SRD5A2: variants seen among roughly 807,000 people sequenced by gnomAD.
The protein encoded by SRD5A2 is steroid 5 alpha-reductase 2, also known as 3-oxo-5-alpha-steroid 4-dehydrogenase 2.
A neutral mutation model predicts 27.4 loss-of-function variants in SRD5A2; 30 were observed. The observed-to-expected ratio is 1.10, with a 90% CI of 0.82 to 1.49. The LOEUF is 1.49. Ranked by LOEUF, SRD5A2 falls within the 40% of genes most tolerant of loss-of-function variation. The probability of loss-of-function intolerance (pLI) is 0.00; values close to 1 mark genes in which losing one functional copy is unlikely to be tolerated. For synonymous variants in SRD5A2, 141 were observed against 133.6 expected (o/e 1.06, Z -0.38); for missense variants, 348 against 323.4 (o/e 1.08, Z -0.58).
chr2:31,617,477 T>C, the SRD5A2 span, among the ~76,000 whole-genome samples: 13 of 152,228 alleles, frequency 8.5e-5, no homozygotes, highest in Non-Finnish European at 1.8e-4. Context: ...TCATTACTCA[T>C]GCAAATTTCT....
At chr2:31,637,277 C>G in the SRD5A2 span, among the ~76,000 whole-genome samples, 1 of 152,008 alleles carries the variant, frequency 6.6e-6, no homozygotes. Context: ...TCATAATAGT[C>G]TCTAATGACA....
chr2:31,609,057 G>A, the SRD5A2 span, among the ~76,000 whole-genome samples: 4 of 152,012 alleles, frequency 2.6e-5, no homozygotes, highest in Non-Finnish European at 5.9e-5. Context: ...TAAGAAGATC[G>A]CCATCTGCAA....
At chr2:31,637,170 G>A in the SRD5A2 span, among the ~76,000 whole-genome samples, 3 of 152,110 alleles carry the variant, frequency 2.0e-5, no homozygotes, top group South Asian at 6.2e-4. Flanking sequence ...GTTTATTGAG[G>A]TTTTCTATTT....
the SRD5A2 span, among the ~76,000 whole-genome samples, chr2:31,599,946 T>TTAATAATTA: frequency 0.42 from 63,018 of 151,718 alleles, 13,244 homozygotes; most frequent in Admixed American, 0.43. Context: ...TTAAGCCTAC[T>TTAATAATTA]ACCCATTAGT....
At chr2:31,622,027 C>A in the SRD5A2 span, among the ~76,000 whole-genome samples, 2 of 151,966 alleles carry the variant, frequency 1.3e-5, no homozygotes, top group South Asian at 4.1e-4. Context: ...CCTAAGTAAA[C>A]AAGTGCCATG....
intron 1 of SRD5A2, among the ~76,000 whole-genome samples, chr2:31,565,323 GA>G (rs1383742261): frequency 3.3e-5 from 5 of 151,826 alleles, no homozygotes. Flanking sequence ...CAAGATGATA[GA>G]CATAATTCAA....
At chr2:31,590,242 C>G in the SRD5A2 span, among the ~76,000 whole-genome samples, 2 of 151,322 alleles carry the variant, frequency 1.3e-5, no homozygotes, top group Admixed American at 1.3e-4. Flanking sequence ...TCTATGGCCC[C>G]GCTCATCACC....
At chr2:31,597,588 G>T in the SRD5A2 span, among the ~76,000 whole-genome samples, 1 of 151,712 alleles carries the variant, frequency 6.6e-6, no homozygotes, top group Non-Finnish European at 1.5e-5. Flanking sequence ...GAAACTACAA[G>T]GAAATCAAAC....
chr2:31,650,383 G>C, the SRD5A2 span, among the ~76,000 whole-genome samples: 1 of 152,180 alleles, frequency 6.6e-6, no homozygotes, highest in Non-Finnish European at 1.5e-5. Context: ...TCACTAAAGT[G>C]AAGAAAGAAT....
chr2:31,593,802 C>T, the SRD5A2 span, among the ~76,000 whole-genome samples: 2 of 152,152 alleles, frequency 1.3e-5, no homozygotes, highest in Non-Finnish European at 2.9e-5. Flanking sequence ...GCAAAATCAT[C>T]AAGTAGTCTA....
the SRD5A2 span, among the ~76,000 whole-genome samples, chr2:31,631,491 C>A: frequency 3.9e-5 from 6 of 152,130 alleles, no homozygotes; most frequent in African/African-American, 9.6e-5. Context: ...ACGTTCCCCC[C>A]CAAGGCAAAA....
intron 1 of SRD5A2, among the ~76,000 whole-genome samples, chr2:31,549,081 AATTATTATTATTATTATTATT>A (rs71405576): frequency 1.1e-4 from 14 of 131,378 alleles, no homozygotes; most frequent in Non-Finnish European, 1.9e-4. Context: ...AAGTAGAGGG[AATTATTATTATTATTATTATT>A]ATTATTATTA....
chr2:31,648,105 A>G, the SRD5A2 span, among the ~76,000 whole-genome samples: 1 of 152,182 alleles, frequency 6.6e-6, no homozygotes, highest in Non-Finnish European at 1.5e-5. Context: ...GCACAATATA[A>G]GGGTGATTCA....
the SRD5A2 span, among the ~76,000 whole-genome samples, chr2:31,644,405 C>T: frequency 2.0e-5 from 3 of 152,188 alleles, no homozygotes; most frequent in Admixed American, 2.0e-4. Context: ...CGTTGGTCCT[C>T]AACCTTTTTG....
chr2:31,529,222 T>C (rs1665849357), intron 4 of SRD5A2, 85 bp downstream of exon 4: 7 of 1,540,476 alleles, frequency 4.5e-6, no homozygotes, highest in Non-Finnish European at 6.1e-6. Context: ...TATCTTCGGT[T>C]TCTCAATCTT....
At chr2:31,550,814 T>A (rs1219031865) in intron 1 of SRD5A2, among the ~76,000 whole-genome samples, 1 of 151,954 alleles carries the variant, frequency 6.6e-6, no homozygotes, top group Non-Finnish European at 1.5e-5. Flanking sequence ...CTTAAGATCG[T>A]GAACAAGACA....
the SRD5A2 span, among the ~76,000 whole-genome samples, chr2:31,602,687 A>G: frequency 4.6e-5 from 7 of 152,170 alleles, no homozygotes; most frequent in African/African-American, 1.7e-4. Context: ...CCCAAACAAC[A>G]CAGTACTGGT....
chr2:31,539,479 C>T (rs897439693), intron 1 of SRD5A2, among the ~76,000 whole-genome samples: 7 of 152,322 alleles, frequency 4.6e-5, no homozygotes, highest in Non-Finnish European at 8.8e-5. Flanking sequence ...GCCTGTGCTT[C>T]CCCCTTACCA....
At chr2:31,603,082 A>T in the SRD5A2 span, among the ~76,000 whole-genome samples, 3 of 152,154 alleles carry the variant, frequency 2.0e-5, no homozygotes, top group Non-Finnish European at 4.4e-5. Context: ...TAATTAAACT[A>T]AAGAGTTTTT....
Sources: allele counts gnomAD v4.1 joint callset (sites outside exome capture counted in the v4.1 genomes callset), GRCh38; gene constraint gnomAD v4.1.1; transcripts MANE v1.5; gene names NCBI Gene and HGNC (gene_info 2026-07-23, HGNC 2026-07-21).